The following CENPE variants were observed in gnomAD, a reference collection of about 807,000 sequenced individuals.
CENPE encodes the protein centromere-associated protein E.
Under a neutral mutation model 336.1 loss-of-function variants are expected in CENPE, and 145 were observed. That is an observed-to-expected ratio of 0.43 (90% CI 0.38 to 0.50). The LOEUF is 0.50. CENPE is among the 20% of genes least tolerant of loss of function. CENPE has a pLI of 0.00. For missense variants in CENPE, 2,719 were observed against 3,023.3 expected (o/e 0.90, Z 2.36); for synonymous variants, 1,013 against 984.8 (o/e 1.03, Z -0.54).
At chr4:103,127,173 T>C (rs997068353) in intron 42 of CENPE, among the ~76,000 whole-genome samples, 1 of 143,846 alleles carries the variant, frequency 7.0e-6, no homozygotes, top group African/African-American at 2.6e-5. Flanking sequence ...GCATATCATA[T>C]TCAAACTTCA....
At chr4:103,109,859 T>C (rs1360001614) in intron 47 of CENPE, among the ~76,000 whole-genome samples, 1 of 152,180 alleles carries the variant, frequency 6.6e-6, no homozygotes, top group African/African-American at 2.4e-5. Context: ...TACCACTCCA[T>C]ATTCTTCAAA....
Position 103,149,235 on chromosome 4 carries a change from T to C in CENPE, c.3570A>G (p.Glu1190=). ...TTATAGATTTCACTTCCTCATAATT[T>C]TCATTAAGTTTCTGAGCCAACTCAA... ...ERLELAQKLN[E]NYEEVKSITK... is the part of the protein sequence containing the mutation. The change falls in exon 27 of 49, where the codon GAA becomes GAG. Residue 1190 remains glutamate (E), a synonymous_variant. Transcript: ENST00000265148. The C allele has an allele frequency of 1.2e-6, 2 of 1,613,062 alleles. No individual in the cohort carries two copies. Among genetic ancestry groups the C allele is most frequent in the East Asian group, 4.5e-5 (2 of 44,798 alleles).
At position 103,147,134 on chromosome 4, in the gene CENPE, A is replaced by T. The variant is rs76672624; in HGVS notation, c.4134+222T>A. 0.028 allele frequency among the ~76,000 whole-genome samples: 4,245 copies of T among 152,266 alleles called. 196 individuals are homozygous for T. Among genetic ancestry groups the T allele is most frequent in the African/African-American group, 0.094 (3,909 of 41,542 alleles). ...TTTCTAAATTATTTTTTGAATATTT[A>T]AGAAAACAGTTCTTTTCTCTGAAAC... On this transcript the variant is annotated intron_variant, in intron 29 of 48. Transcript: ENST00000265148.
In CENPE at chr4:103,193,688, T is replaced by A. The variant is rs530009847; in HGVS notation, c.693+541A>T. On this transcript the variant is annotated intron_variant, in intron 8 of 48. Coordinates refer to ENST00000265148, the MANE Select transcript of CENPE (RefSeq NM_001813.3). Reference sequence around the variant, plus strand: ...TATATTAGACATAAAATAGGTATAATGTGTTGGGGCTACCAGGATGAATGC... The same window carrying A: ...TATATTAGACATAAAATAGGTATAAAGTGTTGGGGCTACCAGGATGAATGC... Among the ~76,000 whole-genome samples, 4 of 152,246 alleles carry A rather than the reference T, an allele frequency of 2.6e-5. No homozygotes were observed. The South Asian group carries it at 8.3e-4, about 32-fold the overall frequency.
At chr4:103,144,179 G>T (rs1289486229) in intron 33 of CENPE, 152 bp downstream of exon 33, 2 of 567,472 alleles carry the variant, frequency 3.5e-6, no homozygotes, top group East Asian at 6.0e-5. Flanking sequence ...CTCGTGATCT[G>T]CCCGCCCTGG....
intron 18 of CENPE, among the ~76,000 whole-genome samples, chr4:103,161,813 GTTAAA>G (rs1754467444): frequency 6.6e-6 from 1 of 151,816 alleles, no homozygotes; most frequent in Non-Finnish European, 1.5e-5. Flanking sequence ...GTGGCTAACA[GTTAAA>G]TTAAAGATAT....
chr4:103,176,842 CTCTTTA>C (rs998481630), intron 14 of CENPE, 51 bp downstream of exon 14: 20 of 1,320,348 alleles, frequency 1.5e-5, no homozygotes, highest in Non-Finnish European at 2.0e-5. Context: ...AACATAGTTT[CTCTTTA>C]TAAGGATGCT....
chr4:103,183,256 G>A lies in CENPE; in HGVS notation c.778C>T (p.Arg260Ter). 1.9e-6 allele frequency: 3 copies of A among 1,612,606 alleles called. No individual in the cohort carries two copies. The highest frequency in any genetic ancestry group is 2.5e-6 in the Non-Finnish European group (3 of 1,179,264). ...VRLKEGCNINRSLFILGQVIK... is the reference protein window; with the variant it reads ...VRLKEGCNIN ...ACTTGTCCCAAAATAAATAAGCTTC[G>A]ATTTATATTACAGCCTTCCTTGAGC... The change falls in exon 10 of 49, where the codon CGA (arginine) becomes TGA (stop). Residue 260 changes from arginine (R) to a stop codon, truncating the protein, a stop_gained. Coordinates refer to ENST00000265148, the MANE Select transcript of CENPE (RefSeq NM_001813.3). LOFTEE classifies it high-confidence loss of function.
intron 24 of CENPE, among the ~76,000 whole-genome samples, chr4:103,154,218 T>A (rs934251890): frequency 6.6e-5 from 10 of 151,774 alleles, no homozygotes; most frequent in South Asian, 2.1e-4. Flanking sequence ...TCATCCACTG[T>A]CACCAACTTC....
intron 9 of CENPE, among the ~76,000 whole-genome samples, chr4:103,183,736 C>T (rs1756516450): frequency 6.6e-6 from 1 of 152,140 alleles, no homozygotes; most frequent in Admixed American, 6.5e-5. Context: ...AGCTCCCTTC[C>T]ACTTTTATCC....
rs1753156388 is a variant in CENPE, at chr4:103,147,505, C to T, written c.3985G>A (p.Glu1329Lys). The T allele has an allele frequency of 6.2e-7, 1 of 1,613,920 alleles. No homozygotes were observed. Reference sequence around the variant, plus strand: ...AATTTTTCATTCAACCTGAGCCTTTCCATTTCTATTCTTGCCAGTGTTGTT... The same window carrying T: ...AATTTTTCATTCAACCTGAGCCTTTTCATTTCTATTCTTGCCAGTGTTGTT... The part of the protein sequence containing the change: ...DSTTLARIEM[E>K]RLRLNEKFQE... Residue 1329 changes from glutamate (E) to lysine (K), a missense_variant, in exon 29 of 49, where the codon GAA (glutamate) becomes AAA (lysine). Glu to Lys is a moderately conservative substitution (Grantham distance 56, BLOSUM62 1). Around this residue, in one of 5 missense-constraint regions of CENPE, gnomAD observed 2,437 missense variants for 2,513.3 expected, o/e 0.97. Transcript: ENST00000265148.
chr4:103,179,480 T>C (rs545049190), intron 13 of CENPE, among the ~76,000 whole-genome samples: 1 of 152,352 alleles, frequency 6.6e-6, no homozygotes, highest in Admixed American at 6.5e-5. Flanking sequence ...TCTAGGTCTT[T>C]CATTGGGCTA....
intron 18 of CENPE, among the ~76,000 whole-genome samples, chr4:103,161,743 C>G (rs777380457): frequency 1.3e-5 from 2 of 152,004 alleles, no homozygotes; most frequent in Non-Finnish European, 2.9e-5. Flanking sequence ...TTCGGCAAGG[C>G]TGATGAAGTT....
rs749952716 is a variant in CENPE at position 103,161,239 on chromosome 4, T to C, written c.1978A>G (p.Thr660Ala). ...ELKEKMKELA[T>A]TYKQMENDIQ... Reference sequence around the variant, plus strand: ...TCATTTTCCATTTGCTTGTATGTAGTTGCAAGTTCTTTCTATTGAGAAAAA... The same window carrying C: ...TCATTTTCCATTTGCTTGTATGTAGCTGCAAGTTCTTTCTATTGAGAAAAA... The change falls in exon 20 of 49, where the codon ACT (threonine) becomes GCT (alanine). Residue 660 changes from threonine (T) to alanine (A), a missense_variant. Thr to Ala is a moderately conservative substitution (Grantham distance 58). Transcript: ENST00000265148. 17 of 1,608,442 alleles carry C rather than the reference T, an allele frequency of 1.1e-5. No individual in the cohort carries two copies. The South Asian group carries it at 1.9e-4, about 18-fold the overall frequency.
At chr4:103,129,788 A>C (rs1188612147) in intron 42 of CENPE, among the ~76,000 whole-genome samples, 1 of 152,132 alleles carries the variant, frequency 6.6e-6, no homozygotes. Context: ...TCTCAACAAA[A>C]TATTAGGAAG....
intron 16 of CENPE, among the ~76,000 whole-genome samples, chr4:103,170,742 TAG>T (rs1755329918): frequency 6.6e-6 from 1 of 152,120 alleles, no homozygotes; most frequent in Admixed American, 6.6e-5. Flanking sequence ...AATTATAAGA[TAG>T]AGTGGTTGAA....
intron 8 of CENPE, among the ~76,000 whole-genome samples, chr4:103,191,988 T>C (rs1476625852): frequency 1.3e-5 from 2 of 150,220 alleles, no homozygotes; most frequent in African/African-American, 4.9e-5. Flanking sequence ...TAATACCAGC[T>C]TGGGTTAGGG....
At chr4:103,195,842 A>C in intron 4 of CENPE, 78 bp downstream of exon 4, 1 of 858,518 alleles carries the variant, frequency 1.2e-6, no homozygotes, top group Non-Finnish European at 2.0e-6. Context: ...CATCTTTACA[A>C]GAGAAATACA....
intron 34 of CENPE, among the ~76,000 whole-genome samples, chr4:103,142,973 C>T (rs748317332): frequency 5.1e-5 from 7 of 137,462 alleles, no homozygotes; most frequent in Non-Finnish European, 1.1e-4. Flanking sequence ...CATGCCGTTG[C>T]ACTCCAGGCG....
Sources: gnomAD v4.1 joint callset for allele counts (sites outside exome capture counted in the v4.1 genomes callset) on GRCh38, gnomAD v4.1.1 for gene constraint, gnomAD v4.1.1 regional missense constraint, MANE v1.5 for transcripts, NCBI Gene and HGNC (gene_info 2026-07-23, HGNC 2026-07-21) for gene names.